Variants in PIP4K2B observed in about 807,000 individuals in gnomAD.
PIP4K2B encodes phosphatidylinositol 5-phosphate 4-kinase type-2 beta.
In PIP4K2B, 3 loss-of-function variants were observed where a neutral mutation model predicts 42.0. The observed-to-expected ratio is 0.07, with a 90% confidence interval of 0.03 to 0.18. PIP4K2B has a LOEUF of 0.18. Ranked by LOEUF, PIP4K2B falls within the 10% of genes least tolerant of loss-of-function variation. The pLI, the probability that PIP4K2B is intolerant of heterozygous loss-of-function variation, is 1.00. For missense variants in PIP4K2B, 332 were observed against 562.3 expected (o/e 0.59, Z 4.14); for synonymous variants, 204 against 210.1 (o/e 0.97, Z 0.25).
chr17:38,774,368 C>T (rs1909201886), intron 7 of PIP4K2B, among the ~76,000 whole-genome samples: 1 of 152,164 alleles, frequency 6.6e-6, no homozygotes, highest in African/African-American at 2.4e-5. Flanking sequence ...TGCCTGGTGG[C>T]CTGATGGCCT....
intron 8 of PIP4K2B, 113 bp from the exon 9 acceptor site, chr17:38,770,652 T>C (rs924769357): frequency 4.2e-6 from 3 of 710,034 alleles, no homozygotes; most frequent in Non-Finnish European, 7.6e-6. Flanking sequence ...CCTTATCATG[T>C]TGGGGCTGAG....
intron 9 of PIP4K2B, 86 bp downstream of exon 9, chr17:38,770,350 G>A: frequency 1.3e-6 from 1 of 768,210 alleles, no homozygotes; most frequent in Non-Finnish European, 2.3e-6. Context: ...GGAGCAGGAG[G>A]CCTGAGACTG....
At chr17:38,794,578 T>A (rs1598059070) in intron 1 of PIP4K2B, among the ~76,000 whole-genome samples, 3 of 96,890 alleles carry the variant, frequency 3.1e-5, no homozygotes, top group South Asian at 3.6e-4. Context: ...TTTGAGAACA[T>A]CCTGGGCAAT....
At chr17:38,790,365 G>A (rs183120770) in intron 1 of PIP4K2B, among the ~76,000 whole-genome samples, 6 of 152,300 alleles carry the variant, frequency 3.9e-5, no homozygotes, top group South Asian at 2.1e-4. Flanking sequence ...GCCTGGCTCC[G>A]AGACTTAAAG....
At chr17:38,772,457 T>TAA (rs1384339975) in intron 7 of PIP4K2B, among the ~76,000 whole-genome samples, 2 of 152,226 alleles carry the variant, frequency 1.3e-5, no homozygotes, top group African/African-American at 4.8e-5. Flanking sequence ...GTAGCTGTCT[T>TAA]GGTTATCAGT....
Position 38,777,727 on chromosome 17 carries a change from C to T in PIP4K2B, c.767G>A (p.Ser256Asn), listed in dbSNP as rs1236343231. Residue 256 changes from serine (S) to asparagine (N), a missense_variant, in exon 7 of 10, where the codon AGT (serine) becomes AAT (asparagine). By Grantham distance (46) the Ser-to-Asn change is conservative. Coordinates refer to ENST00000619039, the MANE Select transcript of PIP4K2B (RefSeq NM_003559.5). ...EGQKLHVGEE[S>N]KKNFLEKLKR... ...CAGTTTCTCCAGGAAGTTCTTTTTA[C>T]TCTCCTCTCCCACATGCAGCTTCTG... 1.2e-6 allele frequency: 2 copies of T among 1,614,102 alleles called. No homozygotes were observed. Among genetic ancestry groups the T allele is most frequent in the South Asian group, 1.1e-5 (1 of 91,084 alleles).
At chr17:38,793,301 T>A (rs942086854) in intron 1 of PIP4K2B, among the ~76,000 whole-genome samples, 2 of 150,296 alleles carry the variant, frequency 1.3e-5, no homozygotes, top group Middle Eastern at 3.5e-3. Flanking sequence ...TGGAGTGCAA[T>A]GCCGCCATCT....
chr17:38,799,448 CG>C lies in PIP4K2B; in HGVS notation c.-25del. 1 of 1,549,730 alleles carries C rather than the reference CG, an allele frequency of 6.5e-7. No individual in the cohort carries two copies. The highest frequency in any genetic ancestry group is 1.4e-5 in the African/African-American group (1 of 72,028). Reference sequence around the variant, plus strand: ...ATGCCCGGGGCGGCGGCGGCGGCGGCGAAAGAGGGGGGCGGCGGAGACAGCG... The same window carrying C: ...ATGCCCGGGGCGGCGGCGGCGGCGGCAAAGAGGGGGGCGGCGGAGACAGCG... On this transcript the variant is annotated 5_prime_UTR_variant, in exon 1 of 10. Coordinates refer to ENST00000619039, the MANE Select transcript of PIP4K2B (RefSeq NM_003559.5). The surrounding 1 kb of genome is among the most constrained non-coding windows in gnomAD (Gnocchi z 4.4).
At chr17:38,781,323 A>G (rs1909699741) in intron 3 of PIP4K2B, among the ~76,000 whole-genome samples, 1 of 151,964 alleles carries the variant, frequency 6.6e-6, no homozygotes, top group Admixed American at 6.6e-5. Context: ...GAGCAGTAGA[A>G]GCCTTAAGAG....
chr17:38,781,713 C>T lies in PIP4K2B; in HGVS notation c.355-1109G>A, dbSNP rs575890685. On this transcript the variant is annotated intron_variant, in intron 3 of 9. Coordinates refer to ENST00000619039, the MANE Select transcript of PIP4K2B (RefSeq NM_003559.5). ...TGTAGCTTTTGTAGAGATGTAGTTT[C>T]GCCATGTTTCCCAGGCTGGTCTAGA... Among the ~76,000 whole-genome samples, 6 of 151,714 alleles carry T rather than the reference C, an allele frequency of 4.0e-5. No individual in the cohort carries two copies. In the South Asian group the frequency reaches 6.3e-4, roughly 16 times the overall value.
Position 38,784,305 on chromosome 17 carries a change from A to G in PIP4K2B, c.292T>C (p.Tyr98His). The G allele has an allele frequency of 1.2e-6, 2 of 1,613,774 alleles. No individual in the cohort carries two copies. Among genetic ancestry groups the G allele is most frequent in the Non-Finnish European group, 1.7e-6 (2 of 1,179,734 alleles). ...AGGTTTCGGAACACCATGGGGCAAT[A>G]CTCCTTAAACTTAAAGCGGCTGGGC... ...NLPSRFKFKE[Y>H]CPMVFRNLRE... The change falls in exon 3 of 10, where the codon TAT becomes CAT. Residue 98 changes from tyrosine (Y) to histidine (H), a missense_variant. Physicochemically the swap from Tyr to His is moderately conservative, Grantham distance 83. This residue lies in a region of PIP4K2B where 186 missense variants were observed against 288.4 expected (regional missense o/e 0.64). Transcript: ENST00000619039.
intron 1 of PIP4K2B, among the ~76,000 whole-genome samples, chr17:38,797,208 T>G (rs1156676474): frequency 6.6e-6 from 1 of 152,170 alleles, no homozygotes; most frequent in Non-Finnish European, 1.5e-5. Flanking sequence ...AGATGACCAC[T>G]TTGTCCAACA....
chr17:38,776,611 C>T lies in PIP4K2B; in HGVS notation c.807+1076G>A, dbSNP rs373433561. Reference sequence around the variant, plus strand: ...ACTGCACTGCACTCCAGCCTGGGGACAGAACGAGAATCTCCTAAAAAAAAA... The same window carrying T: ...ACTGCACTGCACTCCAGCCTGGGGATAGAACGAGAATCTCCTAAAAAAAAA... On this transcript the variant is annotated intron_variant, in intron 7 of 9. Coordinates refer to ENST00000619039, the MANE Select transcript of PIP4K2B (RefSeq NM_003559.5). The T allele has an allele frequency of 2.3e-4, 101 of 442,714 alleles. No individual in the cohort carries two copies. In the East Asian group the frequency reaches 5.6e-3, roughly 24 times the overall value. The allele number at this position is 442,714 out of a possible 1,614,324, so 27.4% of individuals were successfully genotyped here.
chr17:38,772,419 C>T (rs575467089), intron 7 of PIP4K2B, among the ~76,000 whole-genome samples: 9 of 152,294 alleles, frequency 5.9e-5, no homozygotes, highest in African/African-American at 1.2e-4. Context: ...TATGCACTAA[C>T]GTCCCATTAG....
At chr17:38,798,729 G>C (rs1191049295) in intron 1 of PIP4K2B, among the ~76,000 whole-genome samples, 4 of 151,988 alleles carry the variant, frequency 2.6e-5, no homozygotes, top group African/African-American at 9.7e-5. Context: ...TTGTTCAAGA[G>C]GGAAAAAAAA....
chr17:38,780,358 G>C lies in PIP4K2B; in HGVS notation c.507+94C>G. The C allele has an allele frequency of 3.6e-6, 4 of 1,124,726 alleles. No individual in the cohort carries two copies. In the South Asian group the frequency reaches 6.8e-5, roughly 19 times the overall value. 69.7% of individuals were successfully genotyped at this position (1,124,726 alleles called of 1,614,324 possible). A position where few individuals can be genotyped will look rare whatever the true frequency, so the allele number is the denominator to read the frequency against. ...TGATCAGAAGCAGCTGCCATTACCA[G>C]AGAGGACCAACCCCTCCCTAAGAAG... On this transcript the variant is annotated intron_variant, in intron 4 of 9. Coordinates refer to ENST00000619039, the MANE Select transcript of PIP4K2B (RefSeq NM_003559.5).
At chr17:38,798,281 C>T (rs1164567467) in intron 1 of PIP4K2B, among the ~76,000 whole-genome samples, 1 of 152,166 alleles carries the variant, frequency 6.6e-6, no homozygotes, top group Non-Finnish European at 1.5e-5. Context: ...CTGCTCATTC[C>T]TAGTGTGGGG....
intron 2 of PIP4K2B, among the ~76,000 whole-genome samples, chr17:38,785,354 T>C (rs989932669): frequency 6.6e-6 from 1 of 152,150 alleles, no homozygotes; most frequent in Non-Finnish European, 1.5e-5. Flanking sequence ...CGTCTTCTAG[T>C]AAACAGTGCT....
At position 38,777,830 on chromosome 17, in the gene PIP4K2B, A is replaced by G. The variant is rs201766991; in HGVS notation, c.694-30T>C. 9.9e-5 allele frequency: 147 copies of G among 1,482,566 alleles called. No individual in the cohort carries two copies. In the East Asian group the frequency reaches 1.5e-3, roughly 15 times the overall value. The allele number at this position is 1,482,566 out of a possible 1,614,324, so 91.8% of individuals were successfully genotyped here. On this transcript the variant is annotated intron_variant, in intron 6 of 9. Coordinates refer to ENST00000619039, the MANE Select transcript of PIP4K2B (RefSeq NM_003559.5). ...GAGAGCAACAGCAGTTAGGCTGGGT[A>G]AGCCTGATTAATTCACCCCAGGGAC...
Sources: allele counts gnomAD v4.1 joint callset (sites outside exome capture counted in the v4.1 genomes callset), GRCh38; gene constraint gnomAD v4.1.1; regional missense constraint gnomAD v4.1.1; non-coding constraint Gnocchi (gnomAD v3.1); transcripts MANE v1.5; gene names NCBI Gene and HGNC (gene_info 2026-07-23, HGNC 2026-07-21).